The following PNISR variants were observed in gnomAD, a reference collection of about 807,000 sequenced individuals.
PNISR encodes the protein arginine/serine-rich protein PNISR.
PNISR carries 20 observed loss-of-function variants against 93.4 expected under a neutral mutation model. The observed-to-expected ratio is 0.21, with a 90% CI of 0.15 to 0.31. PNISR has a LOEUF of 0.31. PNISR is among the 10% of genes least tolerant of loss of function. PNISR has a pLI of 1.00. For missense variants in PNISR, 893 were observed against 985.4 expected, an observed-to-expected ratio of 0.91 and a Z score of 1.25; for synonymous variants, 305 against 306.5, an observed-to-expected ratio of 0.99 and a Z score of 0.05.
At chr6:99,417,968 CAAAAAAAAA>C (rs34504221) in intron 1 of PNISR, among the ~76,000 whole-genome samples, 2 of 92,248 alleles carry the variant, frequency 2.2e-5, no homozygotes, top group Admixed American at 2.5e-4. Context: ...AACACCATCT[CAAAAAAAAA>C]AAAAAAAAAA....
chr6:99,405,911 C>A, intron 8 of PNISR, 120 bp downstream of exon 8: 1 of 573,968 alleles, frequency 1.7e-6, no homozygotes, highest in Non-Finnish European at 3.0e-6. Flanking sequence ...AAAGGAGTAT[C>A]TCTTCAATTA....
chr6:99,404,704 T>TA lies in PNISR; in HGVS notation c.1003-3dup. ...TAGAAGCATTTTTGTCAGCAACATC[T>TA]AAAAAAGAGCATTTTATACAGTATT... On this transcript the variant is annotated splice_region_variant and splice_polypyrimidine_tract_variant and intron_variant, in intron 8 of 11. Transcript: ENST00000369239. The TA allele has an allele frequency of 1.4e-6, 2 of 1,442,838 alleles. No homozygotes were observed. Among genetic ancestry groups the TA allele is most frequent in the Non-Finnish European group, 2.0e-6 (2 of 1,025,516 alleles). 89.4% of individuals were successfully genotyped at this position (1,442,838 alleles called of 1,614,324 possible).
chr6:99,408,392 G>A (rs1031943594), intron 6 of PNISR, 121 bp from the exon 7 acceptor site: 11 of 660,284 alleles, frequency 1.7e-5, no homozygotes, highest in Non-Finnish European at 2.9e-5. Context: ...ATCACTTTTA[G>A]TAACAGCAGG....
Position 99,416,444 on chromosome 6 carries a change from G to C in PNISR, c.-111-16C>G. 1 of 935,990 alleles carries C rather than the reference G, an allele frequency of 1.1e-6. No individual in the cohort carries two copies. The allele number at this position is 935,990 out of a possible 1,614,324, so 58.0% of individuals were successfully genotyped here. A position where few individuals can be genotyped will look rare whatever the true frequency, so the allele number is the denominator to read the frequency against. ...TATGTATGCCCTAGGGGGAAAAAAA[G>C]TAGATGTCTGCTTATAGATTATCAT... On this transcript the variant is annotated splice_polypyrimidine_tract_variant and intron_variant, in intron 1 of 11. Coordinates refer to ENST00000369239, the MANE Select transcript of PNISR (RefSeq NM_032870.4).
intron 7 of PNISR, 31 bp from the exon 8 acceptor site, chr6:99,406,199 T>C: frequency 6.7e-7 from 1 of 1,486,012 alleles, no homozygotes; most frequent in Non-Finnish European, 9.3e-7. Flanking sequence ...GTAGTCCAAA[T>C]TCATGTGTAT....
intron 1 of PNISR, among the ~76,000 whole-genome samples, chr6:99,420,832 A>C (rs1170725015): frequency 1.3e-5 from 2 of 152,232 alleles, no homozygotes; most frequent in African/African-American, 4.8e-5. Flanking sequence ...CTTTTTATAG[A>C]GGGTCTGCAT....
chr6:99,401,398 G>A lies in PNISR; in HGVS notation c.1560C>T (p.Ser520=). ...SGSSSSGSSS[S]NSRTSSTSST... is the part of the protein sequence containing the mutation. ...TACTAGTACTACTAGTTCTGCTATTGCTACTGGAACTACCACTACTAGAAC... is the reference window on the plus strand; with the variant it reads ...TACTAGTACTACTAGTTCTGCTATTACTACTGGAACTACCACTACTAGAAC... Residue 520 remains serine, a synonymous_variant, in exon 12 of 12, where the codon AGC becomes AGT. Transcript: ENST00000369239. The A allele has an allele frequency of 6.2e-7, 1 of 1,602,354 alleles. No homozygotes were observed. Among genetic ancestry groups the A allele is most frequent in the Non-Finnish European group, 8.5e-7 (1 of 1,169,910 alleles).
chr6:99,401,192 A>G lies in PNISR; in HGVS notation c.1766T>C (p.Val589Ala), dbSNP rs141030271. 2.2e-4 allele frequency: 356 copies of G among 1,613,836 alleles called. 2 individuals are homozygous for G. In the African/African-American group the frequency reaches 4.0e-3, roughly 18 times the overall value. ...RIKIESNRAR[V>A]KIRDRRRSNR... ...AGATCTCCTTCTATCTCTAATCTTTACCCTAGCCCTATTGCTCTCTATTTT... is the reference window on the plus strand; with the variant it reads ...AGATCTCCTTCTATCTCTAATCTTTGCCCTAGCCCTATTGCTCTCTATTTT... The change falls in exon 12 of 12, where the codon GTA becomes GCA. Residue 589 changes from valine (V) to alanine (A), a missense_variant. Transcript: ENST00000369239.
intron 5 of PNISR, 131 bp downstream of exon 5, chr6:99,410,610 C>A: frequency 3.4e-6 from 2 of 583,370 alleles, no homozygotes; most frequent in South Asian, 2.9e-5. Flanking sequence ...AAATTGATAA[C>A]TGAGACAGAA....
intron 3 of PNISR, among the ~76,000 whole-genome samples, chr6:99,413,470 G>A (rs1161987326): frequency 1.3e-5 from 2 of 151,600 alleles, no homozygotes; most frequent in Non-Finnish European, 2.9e-5. Context: ...TCCATGTAGA[G>A]TCTGGGTTAT....
chr6:99,404,453 G>T, intron 9 of PNISR, 150 bp downstream of exon 9: 1 of 683,730 alleles, frequency 1.5e-6, no homozygotes, highest in Non-Finnish European at 2.7e-6. Flanking sequence ...TTAATATGGT[G>T]TCTACGAATC....
In PNISR at chr6:99,406,121, A is replaced by C. The variant is rs80151676; in HGVS notation, c.912T>G (p.Ser304Arg). 2 of 1,609,510 alleles carry C rather than the reference A, an allele frequency of 1.2e-6. No individual in the cohort carries two copies. The highest frequency in any genetic ancestry group is 1.7e-6 in the Non-Finnish European group (2 of 1,175,816). Residue 304 changes from serine to arginine, a missense_variant, in exon 8 of 12, where the codon AGT (serine) becomes AGG (arginine). Ser to Arg is a moderately radical substitution (Grantham distance 110). Transcript: ENST00000369239. ...ATGGACTTCTGGTGACTTTCCCACT[A>C]CTTGCAGCCTCAACATTTTCAGTGT... ...EEDTENVEAA[S>R]SGKVTRSPSP...
rs999817678 is a variant in PNISR, at chr6:99,398,382, T to C, written c.*2158A>G. On this transcript the variant is annotated 3_prime_UTR_variant, in exon 12 of 12. Transcript: ENST00000369239. ...CCTAAATCATGGAAACCCTACCTTA[T>C]AAAACCTTACCACTCAAGGTAAATA... 15 of 152,124 alleles carry C rather than the reference T, an allele frequency of 9.9e-5. No individual in the cohort carries two copies. Among genetic ancestry groups the C allele is most frequent in the African/African-American group, 3.1e-4 (13 of 41,440 alleles). 9.4% of individuals were successfully genotyped at this position (152,124 alleles called of 1,614,324 possible). A position where few individuals can be genotyped will look rare whatever the true frequency, so the allele number is the denominator to read the frequency against.
At chr6:99,408,958 G>C (rs1776495682) in intron 6 of PNISR, among the ~76,000 whole-genome samples, 1 of 152,110 alleles carries the variant, frequency 6.6e-6, no homozygotes. Flanking sequence ...ACAAAATCTG[G>C]AATTTAATGT....
rs1363512737 is a variant in PNISR, at chr6:99,404,705, A to T, written c.1003-3T>A. 2.8e-6 allele frequency: 4 copies of T among 1,417,522 alleles called. No homozygotes were observed. Among genetic ancestry groups the T allele is most frequent in the African/African-American group, 1.4e-5 (1 of 70,982 alleles). The allele number at this position is 1,417,522 out of a possible 1,614,324, so 87.8% of individuals were successfully genotyped here. On this transcript the variant is annotated splice_polypyrimidine_tract_variant and splice_region_variant and intron_variant, in intron 8 of 11. Transcript: ENST00000369239. ...AGAAGCATTTTTGTCAGCAACATCT[A>T]AAAAAGAGCATTTTATACAGTATTT...
chr6:99,400,622 C>CT lies in PNISR; in HGVS notation c.2335dup (p.Ser779LysfsTer14). ...AGATTTCTCCACGGATCGCGATCGA[C>CT]TATGTTTAGGCTTCTTAGCCTTCTT... is the stretch of plus-strand genomic sequence containing the variant. On this transcript the variant is annotated frameshift_variant, in exon 12 of 12. Coordinates refer to ENST00000369239, the MANE Select transcript of PNISR (RefSeq NM_032870.4). LOFTEE classifies it high-confidence loss of function. 1 of 1,614,070 alleles carries CT rather than the reference C, an allele frequency of 6.2e-7. No individual in the cohort carries two copies. Among genetic ancestry groups the CT allele is most frequent in the Non-Finnish European group, 8.5e-7 (1 of 1,180,002 alleles).
rs1269180537 is a variant in PNISR, at chr6:99,398,930, G to A, written c.*1610C>T. ...TATAAATATCAGAACTAAATGCACT[G>A]TAAACAGCCATTTTGGTAAACATGC... On this transcript the variant is annotated 3_prime_UTR_variant, in exon 12 of 12. Transcript: ENST00000369239. The A allele has an allele frequency of 6.6e-6, 1 of 151,984 alleles. No homozygotes were observed. The highest frequency in any genetic ancestry group is 2.4e-5 in the African/African-American group (1 of 41,428). The allele number at this position is 151,984 out of a possible 1,614,324, so 9.4% of individuals were successfully genotyped here. A position where few individuals can be genotyped will look rare whatever the true frequency, so the allele number is the denominator to read the frequency against.
chr6:99,403,760 A>T (rs1775807921), intron 10 of PNISR, 69 bp downstream of exon 10: 12 of 1,121,164 alleles, frequency 1.1e-5, no homozygotes, highest in Non-Finnish European at 1.5e-5. Context: ...TCAAAATAGA[A>T]CACGCAGAGA....
In PNISR at chr6:99,400,744, C is replaced by T; in HGVS notation, c.2214G>A (p.Gln738=). The T allele has an allele frequency of 2.5e-6, 4 of 1,611,160 alleles. No homozygotes were observed. The highest frequency in any genetic ancestry group is 3.4e-6 in the Non-Finnish European group (4 of 1,178,642). ...SVKIIRHDSR[Q]DSKKSTTKDS... The stretch of plus-strand genomic sequence containing the variant: ...CTTTGGTAGTACTTTTCTTACTATC[C>T]TGTCTAGAATCATGTCTTATGATTT... Residue 738 remains glutamine (Q), a synonymous_variant, in exon 12 of 12, where the codon CAG becomes CAA. Coordinates refer to ENST00000369239, the MANE Select transcript of PNISR (RefSeq NM_032870.4).
Sources: allele counts gnomAD v4.1 joint callset (sites outside exome capture counted in the v4.1 genomes callset), GRCh38; gene constraint gnomAD v4.1.1; transcripts MANE v1.5; gene names NCBI Gene and HGNC (gene_info 2026-07-23, HGNC 2026-07-21).